The following DGKH variants were observed in gnomAD, a reference collection of about 807,000 sequenced individuals.
DGKH encodes the protein diacylglycerol kinase eta.
DGKH carries 90 observed loss-of-function variants against 159.3 expected under a neutral mutation model. The observed-to-expected ratio is 0.57, with a 90% CI of 0.48 to 0.67. The LOEUF (loss-of-function observed/expected upper bound fraction) is 0.67, where lower values mean the gene tolerates loss of function less well. Ranked by LOEUF, DGKH falls within the 30% of genes least tolerant of loss-of-function variation. DGKH has a pLI of 0.00. For synonymous variants in DGKH, 536 were observed against 553.8 expected, an observed-to-expected ratio of 0.97 and a Z score of 0.45; for missense variants, 1,181 against 1,506.1, an observed-to-expected ratio of 0.78 and a Z score of 3.57.
chr13:42,067,525 A>G (rs562412481), intron 1 of DGKH, among the ~76,000 whole-genome samples: 12 of 152,284 alleles, frequency 7.9e-5, no homozygotes, highest in African/African-American at 2.9e-4. Context: ...TCATAGAAAA[A>G]TGTCTTTTAT....
chr13:42,125,703 T>G (rs920378041), intron 1 of DGKH, among the ~76,000 whole-genome samples: 2 of 152,204 alleles, frequency 1.3e-5, no homozygotes, highest in South Asian at 4.1e-4. Context: ...TAACTCAACT[T>G]AACTGTCTTA....
chr13:42,069,578 C>A, intron 1 of DGKH: 2 of 1,580,256 alleles, frequency 1.3e-6, no homozygotes, highest in Non-Finnish European at 1.7e-6. Flanking sequence ...TCCTCTAGCG[C>A]TATCTGGGCT....
chr13:42,066,205 A>G (rs6561033), intron 1 of DGKH: 40,917 of 152,248 alleles, frequency 0.27, 5,871 homozygotes, highest in Admixed American at 0.37. Flanking sequence ...CGAAAACAAT[A>G]CAATTGTGAA....
chr13:42,095,486 T>C (rs1444772358), intron 1 of DGKH, among the ~76,000 whole-genome samples: 3 of 152,042 alleles, frequency 2.0e-5, no homozygotes, highest in Non-Finnish European at 4.4e-5. Flanking sequence ...TTTTAATGAG[T>C]GCTTAATACC....
At chr13:42,207,131 T>TC (rs1287884795) in intron 21 of DGKH, among the ~76,000 whole-genome samples, 996 of 21,856 alleles carry the variant, frequency 0.046, 105 homozygotes, top group East Asian at 0.11. Flanking sequence ...CTCTCCTTCC[T>TC]TCCTTCCTTC....
intron 3 of DGKH, among the ~76,000 whole-genome samples, chr13:42,130,462 C>A (rs770465726): frequency 6.6e-6 from 1 of 152,142 alleles, no homozygotes; most frequent in Non-Finnish European, 1.5e-5. Flanking sequence ...TATATAATTT[C>A]CCTCAAGATA....
In DGKH at chr13:42,147,781, G is replaced by A. The variant is rs187641892; in HGVS notation, c.385-7510G>A. ...CTGAAAAAACTTCTCAATTTCCCATGTGCGTTGTAATAGTTCCAAAACAAT... is the reference window on the plus strand; with the variant it reads ...CTGAAAAAACTTCTCAATTTCCCATATGCGTTGTAATAGTTCCAAAACAAT... On this transcript the variant is annotated intron_variant, in intron 3 of 29. Coordinates refer to ENST00000337343, the MANE Select transcript of DGKH (RefSeq NM_178009.5). Among the ~76,000 whole-genome samples the A allele has an allele frequency of 2.6e-5, 4 of 152,168 alleles. No individual in the cohort carries two copies. The East Asian group carries it at 5.8e-4, about 22-fold the overall frequency.
intron 11 of DGKH, among the ~76,000 whole-genome samples, chr13:42,171,106 G>T (rs1594138100): frequency 1.3e-5 from 2 of 152,224 alleles, no homozygotes; most frequent in East Asian, 3.9e-4. Context: ...GATACAGTGG[G>T]AATAAAAACA....
intron 3 of DGKH, among the ~76,000 whole-genome samples, chr13:42,151,590 C>CAT (rs1209172070): frequency 9.7e-6 from 1 of 103,188 alleles, no homozygotes; most frequent in Non-Finnish European, 2.2e-5. Context: ...CACACACACA[C>CAT]ACACACACAC....
chr13:42,060,040 G>A (rs1170911308), intron 1 of DGKH, among the ~76,000 whole-genome samples: 1 of 151,922 alleles, frequency 6.6e-6, no homozygotes, highest in East Asian at 1.9e-4. Flanking sequence ...TGAGCAGCTG[G>A]GATTACAGGT....
intron 1 of DGKH, among the ~76,000 whole-genome samples, chr13:42,111,989 T>C (rs555927739): frequency 1.3e-5 from 2 of 152,314 alleles, no homozygotes; most frequent in East Asian, 3.9e-4. Context: ...TTCACTGGGC[T>C]TCACCCTGGC....
Position 42,198,518 on chromosome 13 carries a change from G to A in DGKH, c.2208G>A (p.Ser736=), listed in dbSNP as rs774208346. The stretch of plus-strand genomic sequence containing the variant: ...TGGCTGCCTCAATTGCTGGGAGTTC[G>A]ATTATCAACAAAATGTTACTGGCAA... ...AGLAASIAGS[S]IINKMLLANI... The change falls in exon 18 of 30, where the codon TCG becomes TCA. Residue 736 remains serine, a synonymous_variant. Transcript: ENST00000337343. 27 of 1,613,654 alleles carry A rather than the reference G, an allele frequency of 1.7e-5. No homozygotes were observed. The highest frequency in any genetic ancestry group is 1.6e-4 in the East Asian group (7 of 44,888).
At chr13:42,160,261 A>G in intron 7 of DGKH, 125 bp downstream of exon 7, 2 of 1,269,710 alleles carry the variant, frequency 1.6e-6, no homozygotes, top group Non-Finnish European at 1.1e-6. Context: ...TACGCATCTC[A>G]TGATGACATT....
In DGKH at chr13:42,155,347, G is replaced by A. The variant is rs779557188; in HGVS notation, c.441G>A (p.Glu147=). The A allele has an allele frequency of 6.2e-7, 1 of 1,612,750 alleles. No homozygotes were observed. Among genetic ancestry groups the A allele is most frequent in the Non-Finnish European group, 8.5e-7 (1 of 1,179,728 alleles). ...MLCAENRKEM[E]DWISSLKSVQ... Reference sequence around the variant, plus strand: ...GTGCTGAGAACAGAAAGGAGATGGAGGATTGGATCAGCTCACTGAAGTCTG... The same window carrying A: ...GTGCTGAGAACAGAAAGGAGATGGAAGATTGGATCAGCTCACTGAAGTCTG... Residue 147 remains glutamate (E), a synonymous_variant, in exon 4 of 30, where the codon GAG becomes GAA. Coordinates refer to ENST00000337343, the MANE Select transcript of DGKH (RefSeq NM_178009.5).
intron 1 of DGKH, among the ~76,000 whole-genome samples, chr13:42,081,339 C>T: frequency 6.6e-6 from 1 of 152,052 alleles, no homozygotes; most frequent in Non-Finnish European, 1.5e-5. Context: ...AAGCGATTCT[C>T]CTACCTCAGC....
In DGKH at chr13:42,199,805, A is replaced by G. The variant is rs761363370; in HGVS notation, c.2397-8A>G. 71 of 1,595,506 alleles carry G rather than the reference A, an allele frequency of 4.4e-5. No individual in the cohort carries two copies. The highest frequency in any genetic ancestry group is 5.7e-5 in the Non-Finnish European group (67 of 1,175,154). ...TTCCTGAAATTGCCTGCCAATATTT[A>G]TTTTCAGGAGCCGAACTAAAAACTT... is the stretch of plus-strand genomic sequence containing the variant. On this transcript the variant is annotated splice_region_variant and splice_polypyrimidine_tract_variant and intron_variant, in intron 19 of 29. Transcript: ENST00000337343.
chr13:42,098,504 T>C (rs865979540), intron 1 of DGKH, among the ~76,000 whole-genome samples: 3 of 151,964 alleles, frequency 2.0e-5, no homozygotes, highest in Middle Eastern at 6.8e-3. Flanking sequence ...AAAAATAAAT[T>C]AATACTTAAA....
chr13:42,098,750 A>G (rs1025327897), intron 1 of DGKH, among the ~76,000 whole-genome samples: 2 of 152,234 alleles, frequency 1.3e-5, no homozygotes, highest in African/African-American at 4.8e-5. Context: ...AGTGAATTTT[A>G]TTAAAAATCC....
intron 1 of DGKH, among the ~76,000 whole-genome samples, chr13:42,086,070 A>G (rs1471371011): frequency 6.6e-6 from 1 of 152,038 alleles, no homozygotes. Flanking sequence ...GGCATGCACC[A>G]CTACACCCAC....
Sources: gnomAD v4.1 joint callset for allele counts (sites outside exome capture counted in the v4.1 genomes callset) on GRCh38, gnomAD v4.1.1 for gene constraint, MANE v1.5 for transcripts, NCBI Gene and HGNC (gene_info 2026-07-23, HGNC 2026-07-21) for gene names.